Variants in LARP1B observed in about 807,000 individuals in gnomAD.
The protein encoded by LARP1B is la-related protein 1B.
LARP1B carries 76 observed loss-of-function variants against 114.2 expected under a neutral mutation model. That is an observed-to-expected ratio of 0.67 (90% confidence interval 0.55 to 0.81). LARP1B has a LOEUF of 0.81. Ranked by LOEUF, LARP1B falls within the 30% of genes least tolerant of loss-of-function variation. LARP1B has a pLI of 0.00. For missense variants in LARP1B, 1,014 were observed against 1,075.8 expected (o/e 0.94, Z 0.80); for synonymous variants, 345 against 348.0 (o/e 0.99, Z 0.10).
intron 11 of LARP1B, chr4:128,122,561 T>C (rs549402539): frequency 6.6e-7 from 1 of 1,518,092 alleles, no homozygotes; most frequent in Non-Finnish European, 8.8e-7. Flanking sequence ...TATATGCTCA[T>C]TGCTTACCTG....
At chr4:128,119,370 T>C (rs1424863959) in intron 10 of LARP1B, among the ~76,000 whole-genome samples, 2 of 152,210 alleles carry the variant, frequency 1.3e-5, no homozygotes, top group African/African-American at 2.4e-5. Context: ...TCCCCCCAGC[T>C]CTATTTTAGA....
At chr4:128,065,253 A>ATTCTTTC (rs1553982285) in intron 1 of LARP1B, among the ~76,000 whole-genome samples, 1 of 89,544 alleles carries the variant, frequency 1.1e-5, no homozygotes, top group Non-Finnish European at 2.4e-5. Context: ...CCCACAATTA[A>ATTCTTTC]TTTCTTTCTT....
At chr4:128,176,349 A>C (rs1424970752) in intron 12 of LARP1B, among the ~76,000 whole-genome samples, 2 of 149,774 alleles carry the variant, frequency 1.3e-5, no homozygotes, top group East Asian at 2.0e-4. Context: ...GCTGGAGTGC[A>C]ATGGCATGAT....
chr4:128,122,535 G>A (rs1304425081), intron 11 of LARP1B: 16 of 1,528,658 alleles, frequency 1.0e-5, no homozygotes, highest in African/African-American at 7.0e-5. Context: ...ACAAGTTACT[G>A]TGGACAGGCT....
At position 128,210,888 on chromosome 4, in the gene LARP1B, G is replaced by A. The variant is rs1758863223; in HGVS notation, c.*835G>A. 1 of 983,344 alleles carries A rather than the reference G, an allele frequency of 1.0e-6. No individual in the cohort carries two copies. The highest frequency in any genetic ancestry group is 4.7e-5 in the South Asian group (1 of 21,240). 60.9% of individuals were successfully genotyped at this position (983,344 alleles called of 1,614,324 possible). On this transcript the variant is annotated 3_prime_UTR_variant, in exon 20 of 20. Coordinates refer to ENST00000326639, the MANE Select transcript of LARP1B (RefSeq NM_018078.4). ...TATTGTCCTAAATTAATTAAATCTT[G>A]CACTGTTTTGAATGCATCTGCTATT... is the stretch of plus-strand genomic sequence containing the variant.
At chr4:128,137,846 T>A (rs949219563) in intron 11 of LARP1B, among the ~76,000 whole-genome samples, 1 of 150,606 alleles carries the variant, frequency 6.6e-6, no homozygotes, top group African/African-American at 2.4e-5. Context: ...CAGGATGGAG[T>A]TCAGTGGCAT....
At chr4:128,216,566 G>C, downstream of LARP1B, among the ~76,000 whole-genome samples, 1 of 150,002 alleles carries the variant, frequency 6.7e-6, no homozygotes. Flanking sequence ...ACGAAATGAA[G>C]GCAGAAATAA....
intron 11 of LARP1B, among the ~76,000 whole-genome samples, chr4:128,143,811 G>GTGTGTGTGTGTGTGTA (rs1258026651): frequency 6.6e-6 from 1 of 152,030 alleles, no homozygotes; most frequent in Non-Finnish European, 1.5e-5. Context: ...GTGTGTGTGT[G>GTGTGTGTGTGTGTGTA]TGTGTGTATC....
intron 19 of LARP1B, among the ~76,000 whole-genome samples, chr4:128,208,546 C>T (rs1415178745): frequency 6.6e-6 from 1 of 152,182 alleles, no homozygotes; most frequent in Non-Finnish European, 1.5e-5. Flanking sequence ...GTCACAAAGA[C>T]ATCCTTGCTC....
At chr4:128,061,294 C>T (rs1760003472), upstream of LARP1B, 1 of 152,344 alleles carries the variant, frequency 6.6e-6, no homozygotes, top group East Asian at 1.9e-4. Flanking sequence ...TCTTCGCCGT[C>T]TCCACGCCTC....
At chr4:128,123,362 T>C in intron 11 of LARP1B, 4 of 984,682 alleles carry the variant, frequency 4.1e-6, no homozygotes, top group Non-Finnish European at 4.8e-6. Context: ...GCTATTTTAT[T>C]TGTAATACTT....
At chr4:128,108,270 A>G (rs1782774020) in intron 9 of LARP1B, 1 of 1,064,074 alleles carries the variant, frequency 9.4e-7, no homozygotes, top group South Asian at 4.4e-5. Flanking sequence ...TTGTGTCCAG[A>G]TGAATAAAGC....
rs1758796407 is a variant in LARP1B, at chr4:128,210,534, AAGG to A, written c.*486_*488del. 5.1e-6 allele frequency: 5 copies of A among 973,140 alleles called. No individual in the cohort carries two copies. The highest frequency in any genetic ancestry group is 6.1e-6 in the Non-Finnish European group (5 of 818,092). The allele number at this position is 973,140 out of a possible 1,614,324, so 60.3% of individuals were successfully genotyped here. Reference sequence around the variant, plus strand: ...ATTCATATTTGAACTTACCAAAACAAAGGAGGATTACGTATATGTTTTTTAAAT... The same window carrying A: ...ATTCATATTTGAACTTACCAAAACAAAGGATTACGTATATGTTTTTTAAAT... On this transcript the variant is annotated 3_prime_UTR_variant, in exon 20 of 20. Transcript: ENST00000326639.
At chr4:128,065,930 C>G (rs1017853849) in intron 1 of LARP1B, among the ~76,000 whole-genome samples, 1 of 152,090 alleles carries the variant, frequency 6.6e-6, no homozygotes, top group African/African-American at 2.4e-5. Flanking sequence ...ATTCCCCTGC[C>G]TTGGCATCCC....
At chr4:128,219,639 CTG>C (rs2150986119) in intron 6 of LARP1B, among the ~76,000 whole-genome samples, 1 of 108,388 alleles carries the variant, frequency 9.2e-6, no homozygotes, top group South Asian at 3.5e-4. Flanking sequence ...ACTCTGGGGA[CTG>C]TGGTGGGGTG....
In LARP1B at chr4:128,164,381, A is replaced by G. The variant is rs1057177486; in HGVS notation, c.1648+2064A>G. ...TTGAATACTTTAAAATTGAGAATGT[A>G]TATTCCTTTGCACATCATAGAAAGC... On this transcript the variant is annotated intron_variant, in intron 12 of 19. Transcript: ENST00000326639. Among the ~76,000 whole-genome samples, 11 of 152,150 alleles carry G rather than the reference A, an allele frequency of 7.2e-5. No individual in the cohort carries two copies. In the East Asian group the frequency reaches 1.9e-3, roughly 27 times the overall value.
At chr4:128,121,598 TAA>T (rs1788002580) in intron 10 of LARP1B, among the ~76,000 whole-genome samples, 1 of 152,254 alleles carries the variant, frequency 6.6e-6, no homozygotes, top group African/African-American at 2.4e-5. Flanking sequence ...ATTCCAACTC[TAA>T]AAGAGTCTTT....
chr4:128,202,156 T>C (rs1169273099), intron 17 of LARP1B, among the ~76,000 whole-genome samples: 1 of 152,196 alleles, frequency 6.6e-6, no homozygotes, highest in Non-Finnish European at 1.5e-5. Context: ...CCAGTTATGT[T>C]TTATGTTCTT....
chr4:128,214,174 T>C (rs931976301), downstream of LARP1B, among the ~76,000 whole-genome samples: 1 of 136,154 alleles, frequency 7.3e-6, no homozygotes, highest in African/African-American at 2.7e-5. Flanking sequence ...TCTCGCTGAT[T>C]GCTAGCACAG....
Sources: gnomAD v4.1 joint callset for allele counts (sites outside exome capture counted in the v4.1 genomes callset) on GRCh38, gnomAD v4.1.1 for gene constraint, MANE v1.5 for transcripts, NCBI Gene and HGNC (gene_info 2026-07-23, HGNC 2026-07-21) for gene names.